The following RASGRF1 variants were observed in gnomAD, a reference collection of about 807,000 sequenced individuals.
The protein encoded by RASGRF1 is ras-specific guanine nucleotide-releasing factor 1.
RASGRF1 carries 40 observed loss-of-function variants against 138.7 expected under a neutral mutation model. The ratio of observed to expected loss-of-function variants is 0.29; its 90% CI spans 0.22 to 0.38. The LOEUF is 0.38. Ranked by LOEUF, RASGRF1 falls within the 10% of genes least tolerant of loss-of-function variation. The probability of loss-of-function intolerance (pLI) is 1.00; values close to 1 mark genes in which losing one functional copy is unlikely to be tolerated. For missense variants in RASGRF1, 1,108 were observed against 1,650.4 expected (o/e 0.67, Z 5.69); for synonymous variants, 614 against 663.2 (o/e 0.93, Z 1.14).
intron 1 of RASGRF1, among the ~76,000 whole-genome samples, chr15:79,081,838 A>G (rs1012830058): frequency 3.3e-5 from 5 of 152,200 alleles, no homozygotes; most frequent in East Asian, 3.9e-4. Context: ...AAGGCTGTCA[A>G]TGGAGTGTTA....
intron 10 of RASGRF1, among the ~76,000 whole-genome samples, chr15:79,024,391 C>CACACATCATATACACAAATAT (rs2057014860): frequency 6.6e-6 from 1 of 151,704 alleles, no homozygotes; most frequent in East Asian, 1.9e-4. Context: ...TACACAAATA[C>CACACATCATATACACAAATAT]ACACATCATA....
intron 13 of RASGRF1, among the ~76,000 whole-genome samples, chr15:79,010,259 A>G (rs578076997): frequency 5.5e-4 from 84 of 151,386 alleles, no homozygotes; most frequent in African/African-American, 2.0e-3. Context: ...GCTGGCCTCG[A>G]CCTCCTGACC....
chr15:79,065,188 G>A (rs116599920), intron 1 of RASGRF1, among the ~76,000 whole-genome samples: 19 of 152,352 alleles, frequency 1.2e-4, no homozygotes, highest in African/African-American at 4.3e-4. Flanking sequence ...TGTAATTAAT[G>A]TGGTGTGATC....
intron 17 of RASGRF1, 40 bp from the exon 18 acceptor site, chr15:78,998,865 G>A: frequency 1.3e-6 from 2 of 1,520,302 alleles, no homozygotes; most frequent in South Asian, 2.2e-5. Flanking sequence ...GGACAGGTGA[G>A]GACAAGAAAC....
At position 78,980,711 on chromosome 15, in the gene RASGRF1, C is replaced by T. The variant is rs1275645986; in HGVS notation, c.3415-12G>A. 5 of 1,582,404 alleles carry T rather than the reference C, an allele frequency of 3.2e-6. No individual in the cohort carries two copies. The highest frequency in any genetic ancestry group is 1.7e-5 in the Admixed American group (1 of 59,670). On this transcript the variant is annotated splice_polypyrimidine_tract_variant and intron_variant, in intron 23 of 26. Coordinates refer to ENST00000558480, the MANE Select transcript of RASGRF1 (RefSeq NM_001145648.3). ...ATCAAAGCTTTAGTCTAGAAGGAAG[C>T]AGAAGCATTTACTAACACACAGCAC...
rs1186361922 is a variant in RASGRF1 at position 78,973,481 on chromosome 15, A to C, written c.3495-61T>G. 35 of 1,275,862 alleles carry C rather than the reference A, an allele frequency of 2.7e-5. No individual in the cohort carries two copies. Among genetic ancestry groups the C allele is most frequent in the Non-Finnish European group, 3.9e-5 (35 of 886,628 alleles). The allele number at this position is 1,275,862 out of a possible 1,614,324, so 79.0% of individuals were successfully genotyped here. A position where few individuals can be genotyped will look rare whatever the true frequency, so the allele number is the denominator to read the frequency against. On this transcript the variant is annotated intron_variant, in intron 24 of 26. Coordinates refer to ENST00000558480, the MANE Select transcript of RASGRF1 (RefSeq NM_001145648.3). This position sits in a 1 kb window ranked among gnomAD's most constrained non-coding sequence, Gnocchi z 4.9. The stretch of plus-strand genomic sequence containing the variant: ...TTTAAAAAAGTAACGTCTACCAAGA[A>C]CAGAACATCCCGCATGCACCTTTTG...
At chr15:78,996,712 C>G (rs4778767) in intron 19 of RASGRF1, among the ~76,000 whole-genome samples, 1 of 123,480 alleles carries the variant, frequency 8.1e-6, no homozygotes, top group Non-Finnish European at 1.7e-5. Context: ...GGGAGGACCA[C>G]GAGTGGCGGC....
rs146144496 is a variant in RASGRF1 at position 79,003,378 on chromosome 15, T to C, written c.2449+424A>G. On this transcript the variant is annotated intron_variant, in intron 15 of 26. Coordinates refer to ENST00000558480, the MANE Select transcript of RASGRF1 (RefSeq NM_001145648.3). ...ACATTTCAGTGTCTGGTCTGGGTCC[T>C]CAGCCAGACTGAATCCCAGGGGGCA... 2.7e-3 allele frequency among the ~76,000 whole-genome samples: 408 copies of C among 152,348 alleles called. 1 individual carries two copies. Among genetic ancestry groups the C allele is most frequent in the African/African-American group, 9.1e-3 (380 of 41,590 alleles).
chr15:79,019,849 C>T (rs759583486), intron 11 of RASGRF1, among the ~76,000 whole-genome samples, 192 bp downstream of exon 11: 1 of 152,114 alleles, frequency 6.6e-6, no homozygotes, highest in African/African-American at 2.4e-5. Context: ...ATTGGAAGTA[C>T]AAGGGGAGCA....
rs1238315819 is a variant in RASGRF1, at chr15:79,027,713, C to A, written c.1381+28G>T. 1.2e-6 allele frequency: 2 copies of A among 1,605,978 alleles called. No homozygotes were observed. Among genetic ancestry groups the A allele is most frequent in the Admixed American group, 1.7e-5 (1 of 59,916 alleles). ...GCTGCTGGGGCCCACCTGGTGGGGG[C>A]AGGGGAGACAGGGTGCAGAGGCCAT... On this transcript the variant is annotated intron_variant, in intron 9 of 26. Coordinates refer to ENST00000558480, the MANE Select transcript of RASGRF1 (RefSeq NM_001145648.3). The surrounding 1 kb of genome is among the most constrained non-coding windows in gnomAD (Gnocchi z 4.8).
rs558911475 is a variant in RASGRF1, at chr15:79,043,896, C to T, written c.878+2850G>A. On this transcript the variant is annotated intron_variant, in intron 5 of 26. Coordinates refer to ENST00000558480, the MANE Select transcript of RASGRF1 (RefSeq NM_001145648.3). ...TTGATGTTTCTGACAAAGGGTTACT[C>T]TTCTGAATTCTTAGTGTGATAGGGA... Among the ~76,000 whole-genome samples the T allele has an allele frequency of 7.2e-5, 11 of 152,330 alleles. No individual in the cohort carries two copies. In the South Asian group the frequency reaches 1.2e-3, roughly 17 times the overall value.
intron 26 of RASGRF1, among the ~76,000 whole-genome samples, chr15:78,969,701 A>G (rs1038803229): frequency 6.6e-6 from 1 of 152,110 alleles, no homozygotes; most frequent in African/African-American, 2.4e-5. Context: ...AGAAAATTCT[A>G]GGATTCTATG....
chr15:79,017,218 T>C (rs1822472), intron 12 of RASGRF1, among the ~76,000 whole-genome samples: 72,872 of 152,186 alleles, frequency 0.48, 18,412 homozygotes, highest in East Asian at 0.82. Context: ...ATGACCCTAA[T>C]GCTTACAGCA....
At chr15:79,037,807 G>A (rs1056697682) in intron 5 of RASGRF1, among the ~76,000 whole-genome samples, 3 of 151,898 alleles carry the variant, frequency 2.0e-5, no homozygotes, top group African/African-American at 7.3e-5. Flanking sequence ...AATTATGCAA[G>A]TCACCATAAT....
At chr15:78,999,954 C>T (rs2056484070) in intron 16 of RASGRF1, 41 bp from the exon 17 acceptor site, 10 of 1,592,472 alleles carry the variant, frequency 6.3e-6, no homozygotes, top group Non-Finnish European at 8.6e-6. Context: ...GTCCCCAGTC[C>T]CAACTCCTCA....
chr15:79,077,758 T>C (rs1779633006), intron 1 of RASGRF1, among the ~76,000 whole-genome samples: 2 of 152,180 alleles, frequency 1.3e-5, no homozygotes, highest in Non-Finnish European at 2.9e-5. Context: ...CCATCCTCAC[T>C]GCCATGCCTG....
intron 26 of RASGRF1, among the ~76,000 whole-genome samples, chr15:78,970,274 A>G (rs2055725598): frequency 6.6e-6 from 1 of 152,028 alleles, no homozygotes; most frequent in Middle Eastern, 3.2e-3. Context: ...TAATCTCAAC[A>G]CTTTGGGAGG....
rs955295873 is a variant in RASGRF1 at position 78,972,080 on chromosome 15, G to A, written c.3613-146C>T. On this transcript the variant is annotated intron_variant, in intron 25 of 26. Coordinates refer to ENST00000558480, the MANE Select transcript of RASGRF1 (RefSeq NM_001145648.3). Reference sequence around the variant, plus strand: ...TTGCCTCCTGGAAGGTCCCACGGAGGCATCATGTGTGTTTGTTTTTATTTT... The same window carrying A: ...TTGCCTCCTGGAAGGTCCCACGGAGACATCATGTGTGTTTGTTTTTATTTT... 79 of 740,758 alleles carry A rather than the reference G, an allele frequency of 1.1e-4. 1 individual carries two copies. In the South Asian group the frequency reaches 1.1e-3, roughly 11 times the overall value. 45.9% of individuals were successfully genotyped at this position (740,758 alleles called of 1,614,324 possible).
intron 22 of RASGRF1, among the ~76,000 whole-genome samples, chr15:78,986,676 A>G (rs538411847): frequency 4.6e-5 from 7 of 152,274 alleles, no homozygotes; most frequent in African/African-American, 1.7e-4. Context: ...TTTAAAATAA[A>G]AAGTTAAAAA....
Sources: gnomAD v4.1 joint callset for allele counts (sites outside exome capture counted in the v4.1 genomes callset) on GRCh38, gnomAD v4.1.1 for gene constraint, Gnocchi (gnomAD v3.1) non-coding constraint, MANE v1.5 for transcripts, NCBI Gene and HGNC (gene_info 2026-07-23, HGNC 2026-07-21) for gene names.